Variants in HEY1 observed in about 807,000 individuals in gnomAD.
The protein encoded by HEY1 is hairy/enhancer-of-split related with YRPW motif protein 1.
A neutral mutation model predicts 28.7 loss-of-function variants in HEY1; 9 were observed. The ratio of observed to expected loss-of-function variants is 0.31; its 90% CI spans 0.19 to 0.55. The LOEUF (loss-of-function observed/expected upper bound fraction) is 0.55, where lower values mean the gene tolerates loss of function less well. Among genes scored for constraint, HEY1 ranks in the 20% least tolerant of loss-of-function variants. The pLI is 0.93. For missense variants in HEY1, 385 were observed against 399.4 expected, an observed-to-expected ratio of 0.96 and a Z score of 0.31; for synonymous variants, 213 against 175.6, an observed-to-expected ratio of 1.21 and a Z score of -1.68.
At chr8:79,767,373 C>A (rs1807872108) in intron 1 of HEY1, 79 bp from the exon 2 acceptor site, 1 of 1,324,528 alleles carries the variant, frequency 7.5e-7, no homozygotes, top group Non-Finnish European at 1.1e-6. Flanking sequence ...CGCCCCCACA[C>A]CCTCCCCGCA....
chr8:79,766,383 C>G (rs747215100), intron 4 of HEY1: 1 of 1,457,942 alleles, frequency 6.9e-7, no homozygotes. Flanking sequence ...TGAATCAGGG[C>G]TGTCACAACT....
chr8:79,766,189 A>C, intron 4 of HEY1: 1 of 1,526,278 alleles, frequency 6.6e-7, no homozygotes, highest in Non-Finnish European at 8.8e-7. Context: ...TGCTGGAGAG[A>C]CATACACACA....
intron 4 of HEY1, 103 bp downstream of exon 4, chr8:79,766,548 C>T (rs1261750550): frequency 4.7e-5 from 73 of 1,564,034 alleles, no homozygotes; most frequent in Non-Finnish European, 6.3e-5. Flanking sequence ...TCTCTCCCCA[C>T]CCCCAAAGAA....
chr8:79,766,328 C>CT, intron 4 of HEY1: 1 of 1,504,588 alleles, frequency 6.6e-7, no homozygotes, highest in South Asian at 1.3e-5. Context: ...TTTTTAAATG[C>CT]TTTTTCTCAA....
Position 79,766,668 on chromosome 8 carries a change from T to C in HEY1, c.314A>G (p.His105Arg), listed in dbSNP as rs1807848251. The C allele has an allele frequency of 6.2e-7, 1 of 1,614,260 alleles. No individual in the cohort carries two copies. Among genetic ancestry groups the C allele is most frequent in the Non-Finnish European group, 8.5e-7 (1 of 1,180,054 alleles). ...AGATGTACCTTTCCCTCCTGCCGTA[T>C]GCAGCATTTTCAGGTGATCCACGGT... ...QMTVDHLKML[H>R]TAGGKGYFDA... The change falls in exon 4 of 5, where the codon CAT becomes CGT. Residue 105 changes from histidine to arginine, a missense_variant. By Grantham distance (29) the His-to-Arg change is conservative (BLOSUM62 0). Coordinates refer to ENST00000354724, the MANE Select transcript of HEY1 (RefSeq NM_012258.4).
chr8:79,764,566 G>C lies in HEY1; in HGVS notation c.*622C>G, dbSNP rs1186455690. 3 of 226,488 alleles carry C rather than the reference G, an allele frequency of 1.3e-5. No individual in the cohort carries two copies. The highest frequency in any genetic ancestry group is 6.7e-5 in the African/African-American group (3 of 44,922). The allele number at this position is 226,488 out of a possible 1,614,324, so 14.0% of individuals were successfully genotyped here. A position where few individuals can be genotyped will look rare whatever the true frequency, so the allele number is the denominator to read the frequency against. On this transcript the variant is annotated 3_prime_UTR_variant, in exon 5 of 5. Coordinates refer to ENST00000354724, the MANE Select transcript of HEY1 (RefSeq NM_012258.4). ...ATGGATTCAGGGCCACCAACAGTTT[G>C]TACATTCACCTTTCTGCTATAGGAG...
At position 79,767,520 on chromosome 8, in the gene HEY1, G is replaced by C. The variant is rs575639487; in HGVS notation, c.89+55C>G. 14 of 1,514,076 alleles carry C rather than the reference G, an allele frequency of 9.2e-6. No homozygotes were observed. In the East Asian group the frequency reaches 3.1e-4, roughly 34 times the overall value. The allele number at this position is 1,514,076 out of a possible 1,614,324, so 93.8% of individuals were successfully genotyped here. ...GTCCTAGCCCGCTGTCACCGCGGCA[G>C]GCCTGCGCTCGCCTCCCGCTCTGGC... On this transcript the variant is annotated intron_variant, in intron 1 of 4. Transcript: ENST00000354724.
At chr8:79,766,295 A>G (rs1347382339) in intron 4 of HEY1, 4 of 1,517,374 alleles carry the variant, frequency 2.6e-6, no homozygotes, top group Non-Finnish European at 3.5e-6. Flanking sequence ...AATCCCGTAT[A>G]CCAAAAATAA....
rs756280103 is a variant in HEY1 at position 79,765,115 on chromosome 8, T to C, written c.*73A>G. On this transcript the variant is annotated 3_prime_UTR_variant, in exon 5 of 5. Coordinates refer to ENST00000354724, the MANE Select transcript of HEY1 (RefSeq NM_012258.4). ...TCCTTTTTACTTTTACTGACGACTT[T>C]AAGGTGATGTTGGCAACAGTCCAGC... The C allele has an allele frequency of 9.5e-7, 1 of 1,057,994 alleles. No homozygotes were observed. The highest frequency in any genetic ancestry group is 1.6e-5 in the African/African-American group (1 of 62,158). 65.5% of individuals were successfully genotyped at this position (1,057,994 alleles called of 1,614,324 possible). A position where few individuals can be genotyped will look rare whatever the true frequency, so the allele number is the denominator to read the frequency against.
In HEY1 at chr8:79,764,535, G is replaced by A. The variant is rs1416386296; in HGVS notation, c.*653C>T. On this transcript the variant is annotated 3_prime_UTR_variant, in exon 5 of 5. Transcript: ENST00000354724. ...CCAGTCCTGGCAGATACCAGCAGCT[G>A]GTCAGATGGATTCAGGGCCACCAAC... 4.4e-6 allele frequency: 1 copy of A among 227,422 alleles called. No individual in the cohort carries two copies. The highest frequency in any genetic ancestry group is 8.7e-6 in the Non-Finnish European group (1 of 114,430). 14.1% of individuals were successfully genotyped at this position (227,422 alleles called of 1,614,324 possible). A position where few individuals can be genotyped will look rare whatever the true frequency, so the allele number is the denominator to read the frequency against.
Position 79,765,217 on chromosome 8 carries a change from G to A in HEY1, c.886C>T (p.Pro296Ser), listed in dbSNP as rs2130486630. The change falls in exon 5 of 5, where the codon CCT becomes TCT. Residue 296 changes from proline to serine, a missense_variant. Pro to Ser is a moderately conservative substitution (Grantham distance 74). This residue lies in a region of HEY1 where 223 missense variants were observed against 215.9 expected (regional missense o/e 1.03). Coordinates refer to ENST00000354724, the MANE Select transcript of HEY1 (RefSeq NM_012258.4). ...QAANLGKPYR[P>S]WGTEIGAF ...AAAGCTCCGATCTCCGTCCCCCAAG[G>A]TCTATAGGGCTTGCCAAGGTTTGCA... is the stretch of plus-strand genomic sequence containing the variant. 6.4e-7 allele frequency: 1 copy of A among 1,552,292 alleles called. No homozygotes were observed. The highest frequency in any genetic ancestry group is 8.7e-7 in the Non-Finnish European group (1 of 1,147,166).
rs1807768291 is a variant in HEY1, at chr8:79,764,085, T to C, written c.*1103A>G. On this transcript the variant is annotated 3_prime_UTR_variant, in exon 5 of 5. Transcript: ENST00000354724. The stretch of plus-strand genomic sequence containing the variant: ...GTCAAACCCAGTTCAGTGGAGGTCG[T>C]TTAACTACACCTGCTAAAAGAATAA... 5.3e-6 allele frequency: 1 copy of C among 187,786 alleles called. No homozygotes were observed. The highest frequency in any genetic ancestry group is 2.3e-5 in the African/African-American group (1 of 42,760). The allele number at this position is 187,786 out of a possible 1,614,324, so 11.6% of individuals were successfully genotyped here. A position where few individuals can be genotyped will look rare whatever the true frequency, so the allele number is the denominator to read the frequency against.
chr8:79,766,772 T>G (rs746962396), intron 3 of HEY1, 40 bp from the exon 4 acceptor site: 15 of 1,585,418 alleles, frequency 9.5e-6, no homozygotes, highest in Non-Finnish European at 1.2e-5. Context: ...TGGCACAAGT[T>G]CCTTTGGGGA....
intron 3 of HEY1, 129 bp downstream of exon 3, chr8:79,766,880 G>T: frequency 8.4e-7 from 1 of 1,184,182 alleles, no homozygotes; most frequent in Non-Finnish European, 1.2e-6. Flanking sequence ...AAAATACGCT[G>T]GTATCTGTGT....
Position 79,766,065 on chromosome 8 carries a change from C to CAA in HEY1, c.332-296_332-295dup, listed in dbSNP as rs11448857. 7.0e-6 allele frequency: 5 copies of CAA among 714,356 alleles called. No individual in the cohort carries two copies. The African/African-American group carries it at 7.2e-5, about 10-fold the overall frequency. 44.3% of individuals were successfully genotyped at this position (714,356 alleles called of 1,614,324 possible). A position where few individuals can be genotyped will look rare whatever the true frequency, so the allele number is the denominator to read the frequency against. On this transcript the variant is annotated intron_variant, in intron 4 of 4. Coordinates refer to ENST00000354724, the MANE Select transcript of HEY1 (RefSeq NM_012258.4). ...CTTTAATGTTTTCCCTCAACAACAA[C>CAA]AAAAAATACATCAAGGGCAGAGAAA...
In HEY1 at chr8:79,765,109, C is replaced by T; in HGVS notation, c.*79G>A. On this transcript the variant is annotated 3_prime_UTR_variant, in exon 5 of 5. Transcript: ENST00000354724. ...CCTTTTTCCTTTTTACTTTTACTGA[C>T]GACTTTAAGGTGATGTTGGCAACAG... is the stretch of plus-strand genomic sequence containing the variant. 1.1e-6 allele frequency: 1 copy of T among 924,184 alleles called. No individual in the cohort carries two copies. Among genetic ancestry groups the T allele is most frequent in the South Asian group, 2.9e-5 (1 of 34,924 alleles). The allele number at this position is 924,184 out of a possible 1,614,324, so 57.2% of individuals were successfully genotyped here.
At position 79,765,365 on chromosome 8, in the gene HEY1, G is replaced by T. The variant is rs1807802921; in HGVS notation, c.738C>A (p.Ser246=). The T allele has an allele frequency of 6.3e-7, 1 of 1,588,232 alleles. No individual in the cohort carries two copies. The highest frequency in any genetic ancestry group is 8.6e-7 in the Non-Finnish European group (1 of 1,167,234). The change falls in exon 5 of 5, where the codon TCC becomes TCA. Residue 246 remains serine (S), a synonymous_variant. Transcript: ENST00000354724. Reference sequence around the variant, plus strand: ...GCAGAGGCGGCGACAGTTTGGAGGCGGAGGTGACCACAGGGAGCACCGGTC... The same window carrying T: ...GCAGAGGCGGCGACAGTTTGGAGGCTGAGGTGACCACAGGGAGCACCGGTC... ...SLGPVLPVVT[S]ASKLSPPLLS...
At chr8:79,766,906 C>T in intron 3 of HEY1, 103 bp downstream of exon 3, 1 of 1,231,722 alleles carries the variant, frequency 8.1e-7, no homozygotes, top group Non-Finnish European at 1.2e-6. Context: ...TTCATCTAGG[C>T]ACAAGCAACA....
chr8:79,767,123 A>G (rs368306843), intron 2 of HEY1, 31 bp from the exon 3 acceptor site: 19 of 1,594,606 alleles, frequency 1.2e-5, no homozygotes, highest in Non-Finnish European at 1.6e-5. Context: ...AAAGGAAGGC[A>G]TTACCATTAC....
Sources: gnomAD v4.1 joint callset for allele counts on GRCh38, gnomAD v4.1.1 for gene constraint, gnomAD v4.1.1 regional missense constraint, MANE v1.5 for transcripts, NCBI Gene and HGNC (gene_info 2026-07-23, HGNC 2026-07-21) for gene names.